Variants in CAST observed in about 807,000 individuals in gnomAD.
The protein encoded by CAST is MIR583 host.
A neutral mutation model predicts 119.6 loss-of-function variants in CAST; 76 were observed. The ratio of observed to expected loss-of-function variants is 0.64; its 90% CI spans 0.53 to 0.77. The LOEUF (loss-of-function observed/expected upper bound fraction) is 0.77. CAST is among the 30% of genes least tolerant of loss of function. CAST has a pLI of 0.00. For synonymous variants in CAST, 319 were observed against 331.6 expected, an observed-to-expected ratio of 0.96 and a Z score of 0.41; for missense variants, 953 against 946.5, an observed-to-expected ratio of 1.01 and a Z score of -0.09.
chr5:96,483,292 A>G, the CAST span, among the ~76,000 whole-genome samples: 2 of 152,174 alleles, frequency 1.3e-5, no homozygotes, highest in African/African-American at 2.4e-5. Context: ...TGGAACAAAC[A>G]TCAACAAATA....
At chr5:96,241,307 G>A in the CAST span, among the ~76,000 whole-genome samples, 1 of 149,152 alleles carries the variant, frequency 6.7e-6, no homozygotes, top group Admixed American at 6.8e-5. Flanking sequence ...GTGAGAATAT[G>A]CGGTGTTTGG....
At chr5:96,323,107 T>C in the CAST span, among the ~76,000 whole-genome samples, 1 of 152,184 alleles carries the variant, frequency 6.6e-6, no homozygotes, top group East Asian at 1.9e-4. Context: ...ACCCTTCAGT[T>C]CCATTTGTGT....
intron 1 of CAST, among the ~76,000 whole-genome samples, chr5:96,647,865 T>C (rs755411150): frequency 4.6e-5 from 7 of 152,270 alleles, no homozygotes; most frequent in Admixed American, 2.6e-4. Flanking sequence ...CTAAGCCACC[T>C]AGTTTGAAGC....
At chr5:96,202,941 T>C in the CAST span, among the ~76,000 whole-genome samples, 4 of 152,074 alleles carry the variant, frequency 2.6e-5, no homozygotes, top group Non-Finnish European at 5.9e-5. Flanking sequence ...ATAATTTTTA[T>C]TGATTTTTCT....
At chr5:96,175,569 G>A in the CAST span, among the ~76,000 whole-genome samples, 2 of 152,202 alleles carry the variant, frequency 1.3e-5, no homozygotes, top group Non-Finnish European at 2.9e-5. Flanking sequence ...ATGGTAAACA[G>A]GGCAATGGGC....
At chr5:96,245,747 G>A in the CAST span, among the ~76,000 whole-genome samples, 5 of 152,130 alleles carry the variant, frequency 3.3e-5, no homozygotes, top group Non-Finnish European at 7.4e-5. Flanking sequence ...CTGATGATTA[G>A]TTTTAGTTTA....
At chr5:96,386,798 C>G in the CAST span, among the ~76,000 whole-genome samples, 1 of 152,078 alleles carries the variant, frequency 6.6e-6, no homozygotes, top group Admixed American at 6.5e-5. Flanking sequence ...AACCCTGTCT[C>G]AACTGAAAAT....
the CAST span, among the ~76,000 whole-genome samples, chr5:95,975,105 G>C: frequency 6.6e-6 from 1 of 152,176 alleles, no homozygotes; most frequent in African/African-American, 2.4e-5. Flanking sequence ...GGATGGGCCA[G>C]ATTTCTTCAG....
chr5:96,360,646 G>T, the CAST span, among the ~76,000 whole-genome samples: 1 of 152,192 alleles, frequency 6.6e-6, no homozygotes, highest in Admixed American at 6.5e-5. Context: ...GTTTGCCTGG[G>T]TATCACCAGC....
chr5:96,063,693 G>A, the CAST span, among the ~76,000 whole-genome samples: 1 of 152,088 alleles, frequency 6.6e-6, no homozygotes, highest in Non-Finnish European at 1.5e-5. Context: ...TTAGTTGGGG[G>A]CTGTTGTAAG....
the CAST span, among the ~76,000 whole-genome samples, chr5:96,299,341 A>G: frequency 7.2e-5 from 11 of 152,346 alleles, no homozygotes; most frequent in East Asian, 2.1e-3. Context: ...CTGGGATCAA[A>G]GGCAATGAAG....
chr5:96,261,931 C>T, the CAST span, among the ~76,000 whole-genome samples: 2 of 152,164 alleles, frequency 1.3e-5, no homozygotes, highest in Non-Finnish European at 2.9e-5. Flanking sequence ...CACATCTAAT[C>T]CTCACAAAAC....
chr5:96,139,323 G>C, the CAST span, among the ~76,000 whole-genome samples: 1 of 151,320 alleles, frequency 6.6e-6, no homozygotes, highest in Admixed American at 6.6e-5. Context: ...CAATGCCTAA[G>C]ACTTCCTAGT....
At chr5:96,313,861 G>C in the CAST span, among the ~76,000 whole-genome samples, 2 of 151,896 alleles carry the variant, frequency 1.3e-5, no homozygotes, top group African/African-American at 4.8e-5. Context: ...TAATAATTAG[G>C]TTTATAAAAT....
chr5:96,421,962 G>C, the CAST span: 2 of 742,524 alleles, frequency 2.7e-6, no homozygotes, highest in Non-Finnish European at 1.9e-6. Flanking sequence ...GGATCCTAAA[G>C]AGACAACAAA....
chr5:96,315,311 CCTT>C, the CAST span, among the ~76,000 whole-genome samples: 1 of 152,156 alleles, frequency 6.6e-6, no homozygotes, highest in African/African-American at 2.4e-5. Context: ...ACTACATACA[CCTT>C]CTTTTATATG....
At chr5:96,524,263 C>G (rs1745564218), upstream of CAST, among the ~76,000 whole-genome samples, 1 of 152,184 alleles carries the variant, frequency 6.6e-6, no homozygotes, top group African/African-American at 2.4e-5. Context: ...AGTTTTGAGG[C>G]CAAAAGCAGA....
upstream of CAST, among the ~76,000 whole-genome samples, chr5:96,661,257 TAA>T (rs59810319): frequency 0.021 from 1,419 of 67,928 alleles, 5 homozygotes; most frequent in African/African-American, 0.023. Context: ...TCTCTACCAT[TAA>T]AAAAAAAAAA....
At chr5:96,571,673 A>G (rs114674466) in intron 1 of CAST, among the ~76,000 whole-genome samples, 1,962 of 152,336 alleles carry the variant, frequency 0.013, 23 homozygotes, top group Non-Finnish European at 0.021. Flanking sequence ...CACATCTGTC[A>G]GGTCTCCATT....
Sources: allele counts gnomAD v4.1 joint callset (sites outside exome capture counted in the v4.1 genomes callset), GRCh38; gene constraint gnomAD v4.1.1; transcripts MANE v1.5; gene names NCBI Gene and HGNC (gene_info 2026-07-23, HGNC 2026-07-21).